ATOSA: variants seen among roughly 807,000 people sequenced by gnomAD.
ATOSA encodes atos homolog protein A.
chr15:52,599,936 A>C, the ATOSA span, among the ~76,000 whole-genome samples: 1 of 152,186 alleles, frequency 6.6e-6, no homozygotes, highest in African/African-American at 2.4e-5. Context: ...CAGCTATCCA[A>C]TTCTAAGACA....
At chr15:52,634,604 CT>C in the ATOSA span, among the ~76,000 whole-genome samples, 101,189 of 109,730 alleles carry the variant, frequency 0.92, 46,385 homozygotes, top group South Asian at 0.96. Context: ...TTTTTCTTTT[CT>C]TTTTTTTTTT....
At chr15:52,675,788 A>G in the ATOSA span, among the ~76,000 whole-genome samples, 9 of 152,134 alleles carry the variant, frequency 5.9e-5, no homozygotes, top group Non-Finnish European at 8.8e-5. Context: ...GGCGCCTGTA[A>G]TCCCAGCTAC....
the ATOSA span, among the ~76,000 whole-genome samples, chr15:52,627,326 A>T: frequency 1.3e-5 from 2 of 152,196 alleles, no homozygotes; most frequent in African/African-American, 4.8e-5. Context: ...TTTCAGTTAA[A>T]TTCCAATTAA....
the ATOSA span, chr15:52,613,811 G>C: frequency 1.2e-6 from 2 of 1,613,860 alleles, no homozygotes; most frequent in Non-Finnish European, 8.5e-7. Flanking sequence ...AGGCCAAAGA[G>C]ACCAAGAACT....
the ATOSA span, chr15:52,613,579 A>T: frequency 7.6e-7 from 1 of 1,314,712 alleles, no homozygotes; most frequent in Non-Finnish European, 1.0e-6. Context: ...TTTACATTGA[A>T]ATATGACAAT....
the ATOSA span, among the ~76,000 whole-genome samples, chr15:52,675,785 G>A: frequency 6.6e-6 from 1 of 152,126 alleles, no homozygotes; most frequent in Non-Finnish European, 1.5e-5. Flanking sequence ...GCGGGCGCCT[G>A]TAATCCCAGC....
chr15:52,642,032 T>G, the ATOSA span, among the ~76,000 whole-genome samples: 2 of 152,246 alleles, frequency 1.3e-5, no homozygotes, highest in African/African-American at 4.8e-5. Context: ...ATGAGAACTG[T>G]AGTCAACTAA....
At chr15:52,590,808 A>G in the ATOSA span, 1 of 152,204 alleles carries the variant, frequency 6.6e-6, no homozygotes, top group Non-Finnish European at 1.5e-5. Flanking sequence ...AATACAGACT[A>G]TTTTTTGAAA....
the ATOSA span, among the ~76,000 whole-genome samples, chr15:52,702,742 A>G: frequency 3.4e-5 from 5 of 148,994 alleles, no homozygotes; most frequent in Non-Finnish European, 7.4e-5. Context: ...CTGTACATGT[A>G]TCCCCTGAGT....
the ATOSA span, among the ~76,000 whole-genome samples, chr15:52,640,678 TCA>T: frequency 1.4e-5 from 2 of 148,100 alleles, no homozygotes; most frequent in Non-Finnish European, 3.0e-5. Flanking sequence ...CCTAAAATTA[TCA>T]GTTTTATCAG....
the ATOSA span, among the ~76,000 whole-genome samples, chr15:52,669,211 G>A: frequency 6.6e-5 from 10 of 152,160 alleles, no homozygotes; most frequent in African/African-American, 2.2e-4. Flanking sequence ...GTGAGCCACC[G>A]CGCCTGGCCT....
the ATOSA span, among the ~76,000 whole-genome samples, chr15:52,662,497 A>G: frequency 2.7e-3 from 415 of 152,312 alleles, 1 homozygote; most frequent in Non-Finnish European, 3.7e-3. Flanking sequence ...AGGGCCGGGC[A>G]CGGTGGCTCA....
the ATOSA span, among the ~76,000 whole-genome samples, chr15:52,684,927 T>C: frequency 6.6e-6 from 1 of 152,318 alleles, no homozygotes. Context: ...GAAATGTAAG[T>C]ATAAAATATA....
the ATOSA span, among the ~76,000 whole-genome samples, chr15:52,613,019 A>T: frequency 7.9e-5 from 12 of 152,198 alleles, no homozygotes; most frequent in African/African-American, 2.9e-4. Context: ...TCATAACAAC[A>T]TCAATTTACC....
chr15:52,638,465 C>T, the ATOSA span, among the ~76,000 whole-genome samples: 5 of 151,980 alleles, frequency 3.3e-5, no homozygotes, highest in South Asian at 4.2e-4. Context: ...GAGGCTGAGG[C>T]GGGCAGATAC....
At chr15:52,585,574 C>T in the ATOSA span, among the ~76,000 whole-genome samples, 1 of 152,114 alleles carries the variant, frequency 6.6e-6, no homozygotes, top group Non-Finnish European at 1.5e-5. Context: ...TAGGCTAATA[C>T]TTCATTTACT....
chr15:52,600,986 G>T, the ATOSA span: 1 of 750,912 alleles, frequency 1.3e-6, no homozygotes, highest in African/African-American at 1.8e-5. Flanking sequence ...TAAGATTCCT[G>T]TTACAATTCT....
the ATOSA span, chr15:52,605,377 G>C: frequency 1.7e-6 from 1 of 601,590 alleles, no homozygotes; most frequent in African/African-American, 1.9e-5. Context: ...TGATATACAG[G>C]TGGGATATCC....
chr15:52,692,322 A>G, the ATOSA span, among the ~76,000 whole-genome samples: 3 of 152,240 alleles, frequency 2.0e-5, no homozygotes, highest in Non-Finnish European at 2.9e-5. Context: ...ACAAAATTTA[A>G]TATTCATTCC....
Sources: allele counts gnomAD v4.1 joint callset (sites outside exome capture counted in the v4.1 genomes callset), GRCh38; gene constraint gnomAD v4.1.1; transcripts MANE v1.5; gene names NCBI Gene and HGNC (gene_info 2026-07-23, HGNC 2026-07-21).